Variants in TAF4B observed in about 807,000 individuals in gnomAD.
The protein encoded by TAF4B is TATA-box binding protein associated factor 4b.
Under a neutral mutation model 86.4 loss-of-function variants are expected in TAF4B, and 38 were observed. That is an observed-to-expected ratio of 0.44 (90% CI 0.34 to 0.58). The LOEUF (loss-of-function observed/expected upper bound fraction) is 0.58. Ranked by LOEUF, TAF4B falls within the 20% of genes least tolerant of loss-of-function variation. The pLI, the probability that TAF4B is intolerant of heterozygous loss-of-function variation, is 0.02. For synonymous variants in TAF4B, 388 were observed against 391.2 expected (o/e 0.99, Z 0.10); for missense variants, 988 against 1,027.6 (o/e 0.96, Z 0.53).
At chr18:26,228,454 C>A (rs1237983166) in intron 1 of TAF4B, among the ~76,000 whole-genome samples, 2 of 152,066 alleles carry the variant, frequency 1.3e-5, no homozygotes, top group Admixed American at 6.6e-5. Flanking sequence ...GGCACTGTTA[C>A]GGCAGTGTGC....
chr18:26,300,404 CA>C (rs1347233457), intron 9 of TAF4B, among the ~76,000 whole-genome samples: 2 of 147,976 alleles, frequency 1.4e-5, no homozygotes, highest in African/African-American at 2.5e-5. Flanking sequence ...ACAACAACAA[CA>C]AAAAAATCCT....
intron 13 of TAF4B, among the ~76,000 whole-genome samples, chr18:26,346,335 A>C (rs563534923): frequency 1.3e-5 from 2 of 149,776 alleles, no homozygotes; most frequent in African/African-American, 4.9e-5. Flanking sequence ...CAAAAAAAGA[A>C]TGAAGAAAGC....
At chr18:26,324,434 A>C (rs536440462) in intron 11 of TAF4B, among the ~76,000 whole-genome samples, 1 of 152,238 alleles carries the variant, frequency 6.6e-6, no homozygotes, top group Non-Finnish European at 1.5e-5. Flanking sequence ...CTTGATTTAT[A>C]GTAGGCAGTT....
chr18:26,276,533 A>G (rs1232979650), intron 5 of TAF4B, among the ~76,000 whole-genome samples: 1 of 152,208 alleles, frequency 6.6e-6, no homozygotes, highest in Non-Finnish European at 1.5e-5. Flanking sequence ...TACAGCAAAA[A>G]CAAGCATAGT....
rs541226476 is a variant in TAF4B at position 26,255,534 on chromosome 18, C to T, written c.344-9636C>T. On this transcript the variant is annotated intron_variant, in intron 1 of 14. Coordinates refer to ENST00000269142, the MANE Select transcript of TAF4B (RefSeq NM_005640.3). Reference sequence around the variant, plus strand: ...AGGAGAATCACTTGAACCCGGGAGACGAAGTTGCAGTGAGCCAAGATCACG... The same window carrying T: ...AGGAGAATCACTTGAACCCGGGAGATGAAGTTGCAGTGAGCCAAGATCACG... Among the ~76,000 whole-genome samples the T allele has an allele frequency of 1.0e-4, 14 of 139,826 alleles. No individual in the cohort carries two copies. The South Asian group carries it at 1.5e-3, about 15-fold the overall frequency. 91.7% of individuals were successfully genotyped at this position (139,826 alleles called of 152,430 possible).
At chr18:26,273,849 G>T (rs2056350429) in intron 3 of TAF4B, among the ~76,000 whole-genome samples, 1 of 152,134 alleles carries the variant, frequency 6.6e-6, no homozygotes, top group East Asian at 1.9e-4. Context: ...TTTTTGTGTT[G>T]CATGCTTGTA....
At chr18:26,249,328 A>G (rs1219804513) in intron 1 of TAF4B, among the ~76,000 whole-genome samples, 1 of 152,168 alleles carries the variant, frequency 6.6e-6, no homozygotes, top group Non-Finnish European at 1.5e-5. Flanking sequence ...AAAATACACA[A>G]AAATTAGCCA....
chr18:26,323,133 T>C (rs2056976301), intron 11 of TAF4B, among the ~76,000 whole-genome samples: 1 of 152,182 alleles, frequency 6.6e-6, no homozygotes. Flanking sequence ...GTACTGAGGC[T>C]TGTTTTATGA....
At chr18:26,237,692 T>C (rs1034458198) in intron 1 of TAF4B, among the ~76,000 whole-genome samples, 3 of 152,198 alleles carry the variant, frequency 2.0e-5, no homozygotes, top group South Asian at 2.1e-4. Flanking sequence ...GGACGTAAGA[T>C]ACCTCACTCC....
At chr18:26,259,265 T>C (rs1297225942) in intron 1 of TAF4B, among the ~76,000 whole-genome samples, 1 of 152,030 alleles carries the variant, frequency 6.6e-6, no homozygotes, top group Non-Finnish European at 1.5e-5. Context: ...CCATGTTTTC[T>C]GAGAATCTGT....
intron 11 of TAF4B, among the ~76,000 whole-genome samples, chr18:26,322,735 G>A (rs1032350242): frequency 1.3e-5 from 2 of 151,532 alleles, no homozygotes; most frequent in African/African-American, 2.4e-5. Context: ...TTTTGATTTC[G>A]TGTATCTCCA....
chr18:26,239,556 T>C (rs994906834), intron 1 of TAF4B, among the ~76,000 whole-genome samples: 1 of 152,244 alleles, frequency 6.6e-6, no homozygotes, highest in Non-Finnish European at 1.5e-5. Flanking sequence ...ACTCTGATGG[T>C]AGTTTCTTAT....
rs117981018 is a variant in TAF4B at position 26,279,720 on chromosome 18, C to A, written c.883-2251C>A. ...AATAAAGCTGCACACCTACAACTAT[C>A]TGATCTTTGACATTGTCAACAAAAA... is the stretch of plus-strand genomic sequence containing the variant. On this transcript the variant is annotated intron_variant, in intron 5 of 14. Transcript: ENST00000269142. Among the ~76,000 whole-genome samples the A allele has an allele frequency of 0.01, 1,594 of 152,238 alleles. 61 individuals carry two copies. The East Asian group carries it at 0.11, about 10-fold the overall frequency.
rs747160448 is a variant in TAF4B at position 26,286,344 on chromosome 18, A to G, written c.1435A>G (p.Ile479Val). ...TTTTGGAGAAACTTCAGGTGCAGCT[A>G]TTTGTCTTCCATCTGTGAAACCTGT... ...VTFGETSGAA[I>V]CLPSVKPVVS... is the part of the protein sequence containing the mutation. Residue 479 changes from isoleucine (I) to valine (V), a missense_variant, in exon 7 of 15, where the codon ATT becomes GTT. Physicochemically the swap from Ile to Val is conservative, Grantham distance 29 (BLOSUM62 3). Around this residue, in one of 3 missense-constraint regions of TAF4B, gnomAD observed 747 missense variants for 737.9 expected, o/e 1.01. Coordinates refer to ENST00000269142, the MANE Select transcript of TAF4B (RefSeq NM_005640.3). The G allele has an allele frequency of 3.7e-6, 6 of 1,614,180 alleles. No homozygotes were observed. Among genetic ancestry groups the G allele is most frequent in the East Asian group, 2.2e-5 (1 of 44,888 alleles).
rs576493128 is a variant in TAF4B at position 26,295,788 on chromosome 18, A to G, written c.1832+2257A>G. Among the ~76,000 whole-genome samples, 14 of 152,036 alleles carry G rather than the reference A, an allele frequency of 9.2e-5. No individual in the cohort carries two copies. The South Asian group carries it at 2.3e-3, about 25-fold the overall frequency. Reference sequence around the variant, plus strand: ...TTAAATGTTGCCCCATTGTTGTCTTATTCTTATTTGATCTTTTTGTCTGAA... The same window carrying G: ...TTAAATGTTGCCCCATTGTTGTCTTGTTCTTATTTGATCTTTTTGTCTGAA... On this transcript the variant is annotated intron_variant, in intron 9 of 14. Transcript: ENST00000269142.
chr18:26,331,374 G>A (rs892964231), intron 12 of TAF4B, among the ~76,000 whole-genome samples: 1 of 152,090 alleles, frequency 6.6e-6, no homozygotes, highest in African/African-American at 2.4e-5. Flanking sequence ...GGATTTAGTA[G>A]TTTTGAATCC....
intron 1 of TAF4B, among the ~76,000 whole-genome samples, chr18:26,248,691 A>ATTT (rs539334302): frequency 2.2e-5 from 1 of 44,696 alleles, no homozygotes; most frequent in African/African-American, 9.1e-5. Context: ...TGCCCAGCTA[A>ATTT]TTTTTTTTTT....
intron 1 of TAF4B, among the ~76,000 whole-genome samples, chr18:26,235,334 T>G (rs940866466): frequency 6.6e-5 from 10 of 152,110 alleles, no homozygotes; most frequent in African/African-American, 2.4e-4. Context: ...TTTAATGTCA[T>G]AGGGCAAGGA....
rs7241303 is a variant in TAF4B at position 26,226,590 on chromosome 18, C to G, written c.-344C>G. ...TTAGGCTCGAGGTGTGAGCGACGAC[C>G]TTCCGGGAGCCGCAAGTCCAGGCTC... On this transcript the variant is annotated 5_prime_UTR_variant, in exon 1 of 15. Coordinates refer to ENST00000269142, the MANE Select transcript of TAF4B (RefSeq NM_005640.3). The G allele has an allele frequency of 0.13, 28,263 of 214,642 alleles. 5,345 individuals are homozygous for G. The highest frequency in any genetic ancestry group is 0.48 in the African/African-American group (20,874 of 43,724). 13.3% of individuals were successfully genotyped at this position (214,642 alleles called of 1,614,324 possible).
Sources: gnomAD v4.1 joint callset for allele counts (sites outside exome capture counted in the v4.1 genomes callset) on GRCh38, gnomAD v4.1.1 for gene constraint, gnomAD v4.1.1 regional missense constraint, MANE v1.5 for transcripts, NCBI Gene and HGNC (gene_info 2026-07-23, HGNC 2026-07-21) for gene names.